Variants in ITPRID1 observed in about 807,000 individuals in gnomAD.
ITPRID1 encodes the protein protein ITPRID1.
Under a neutral mutation model 95.4 loss-of-function variants are expected in ITPRID1, and 96 were observed. The ratio of observed to expected loss-of-function variants is 1.01; its 90% CI spans 0.85 to 1.19. The LOEUF is 1.19. Among genes scored for constraint, ITPRID1 ranks in the 50% most tolerant of loss-of-function variants. ITPRID1 has a pLI of 0.00. For synonymous variants in ITPRID1, 510 were observed against 453.6 expected, an observed-to-expected ratio of 1.12 and a Z score of -1.58; for missense variants, 1,339 against 1,252.9, an observed-to-expected ratio of 1.07 and a Z score of -1.04.
chr7:31,611,190 G>C (rs1304509255), intron 10 of ITPRID1, among the ~76,000 whole-genome samples: 1 of 151,300 alleles, frequency 6.6e-6, no homozygotes, highest in Admixed American at 6.6e-5. Flanking sequence ...GATAGGATTA[G>C]TACCAACAAT....
intron 9 of ITPRID1, among the ~76,000 whole-genome samples, chr7:31,581,737 C>G (rs1273994225): frequency 6.6e-6 from 1 of 151,714 alleles, no homozygotes; most frequent in East Asian, 1.9e-4. Context: ...TTTCAAAAGA[C>G]AAACATGTGC....
At chr7:31,596,220 G>T (rs1207231435) in intron 10 of ITPRID1, among the ~76,000 whole-genome samples, 1 of 151,162 alleles carries the variant, frequency 6.6e-6, no homozygotes, top group African/African-American at 2.4e-5. Flanking sequence ...CATAAACTAA[G>T]TTTATCAGAA....
intron 1 of ITPRID1, among the ~76,000 whole-genome samples, chr7:31,519,727 AGAGTTG>A (rs1562543288): frequency 6.7e-6 from 1 of 149,370 alleles, no homozygotes; most frequent in African/African-American, 2.4e-5. Context: ...ACTGAATCTC[AGAGTTG>A]GAGTAGGTTT....
chr7:31,623,860 A>T, intron 10 of ITPRID1, among the ~76,000 whole-genome samples: 1 of 152,120 alleles, frequency 6.6e-6, no homozygotes, highest in Non-Finnish European at 1.5e-5. Context: ...ATGATTTTAT[A>T]TGTAGAAAAC....
rs1010755611 is a variant in ITPRID1 at position 31,627,444 on chromosome 7, G to A, written c.1229-14732G>A. On this transcript the variant is annotated intron_variant, in intron 10 of 14. Transcript: ENST00000615280. The stretch of plus-strand genomic sequence containing the variant: ...AGGTCAAGGCAGGAGGATCACTGAC[G>A]CCCAGGAGTTCAAGACCAGCCTGGG... Among the ~76,000 whole-genome samples, 7 of 152,076 alleles carry A rather than the reference G, an allele frequency of 4.6e-5. 1 individual carries two copies. In the South Asian group the frequency reaches 1.0e-3, roughly 23 times the overall value.
chr7:31,620,979 A>T (rs1008859976), intron 10 of ITPRID1, among the ~76,000 whole-genome samples: 18 of 152,156 alleles, frequency 1.2e-4, no homozygotes, highest in Middle Eastern at 6.8e-3. Flanking sequence ...TCAGGAGCCA[A>T]TGCGATCAAC....
intron 10 of ITPRID1, among the ~76,000 whole-genome samples, chr7:31,622,452 C>G (rs950866460): frequency 6.6e-6 from 1 of 151,364 alleles, no homozygotes; most frequent in Non-Finnish European, 1.5e-5. Context: ...GATTAAGAAA[C>G]TCACTCAAAA....
chr7:31,525,513 T>C (rs1783396226), intron 1 of ITPRID1, among the ~76,000 whole-genome samples: 1 of 152,178 alleles, frequency 6.6e-6, no homozygotes, highest in Admixed American at 6.5e-5. Context: ...ATGTGGTAAA[T>C]GTTCTGGAAC....
intron 13 of ITPRID1, 68 bp from the exon 14 acceptor site, chr7:31,651,871 G>T: frequency 9.3e-7 from 1 of 1,077,046 alleles, no homozygotes; most frequent in East Asian, 2.6e-5. Flanking sequence ...TATATTATGA[G>T]GTGACAATGG....
At chr7:31,550,784 C>T (rs1784261808) in intron 2 of ITPRID1, among the ~76,000 whole-genome samples, 1 of 125,712 alleles carries the variant, frequency 8.0e-6, no homozygotes, top group African/African-American at 2.6e-5. Context: ...AGAATATCCT[C>T]ACTGGTTGTG....
chr7:31,625,661 T>C (rs1788389406), intron 10 of ITPRID1, among the ~76,000 whole-genome samples: 1 of 151,026 alleles, frequency 6.6e-6, no homozygotes, highest in African/African-American at 2.4e-5. Context: ...CTGGGAGATA[T>C]ACCTAATGCT....
chr7:31,624,657 A>G (rs995534688), intron 10 of ITPRID1, among the ~76,000 whole-genome samples: 4 of 150,468 alleles, frequency 2.7e-5, no homozygotes, highest in Non-Finnish European at 5.9e-5. Context: ...TAGACCTAAA[A>G]CCATAAAAAC....
At chr7:31,585,945 C>T (rs1031312950) in intron 10 of ITPRID1, among the ~76,000 whole-genome samples, 8 of 148,196 alleles carry the variant, frequency 5.4e-5, no homozygotes, top group African/African-American at 2.5e-5. Flanking sequence ...CCCACTAACT[C>T]GTCATCTAGC....
chr7:31,527,523 AC>A (rs1329111229), intron 1 of ITPRID1, among the ~76,000 whole-genome samples: 2 of 151,988 alleles, frequency 1.3e-5, no homozygotes, highest in Non-Finnish European at 1.5e-5. Context: ...TTTCAATCTC[AC>A]CTTTTGTCAT....
chr7:31,611,493 C>T lies in ITPRID1; in HGVS notation c.1228+28302C>T, dbSNP rs183028084. On this transcript the variant is annotated intron_variant, in intron 10 of 14. Transcript: ENST00000615280. ...TTTTCACTCCCACCTGAAGGACTTT[C>T]ATTAGTTTTTCTTATATTGCAGTTC... Among the ~76,000 whole-genome samples the T allele has an allele frequency of 3.1e-3, 474 of 151,888 alleles. 2 individuals carry two copies. The highest frequency in any genetic ancestry group is 0.011 in the African/African-American group (447 of 41,520).
Position 31,655,823 on chromosome 7 carries a change from C to T in ITPRID1, c.*2994C>T, listed in dbSNP as rs1296767824. On this transcript the variant is annotated 3_prime_UTR_variant, in exon 15 of 15. Transcript: ENST00000615280. ...TCCCCTTCTCCATGTAGACTCCGAGCTCTCCTGCAGTTTCTTCCTTGCTCC... is the reference window on the plus strand; with the variant it reads ...TCCCCTTCTCCATGTAGACTCCGAGTTCTCCTGCAGTTTCTTCCTTGCTCC... The T allele has an allele frequency of 3.0e-6, 3 of 985,482 alleles. No homozygotes were observed. Among genetic ancestry groups the T allele is most frequent in the Non-Finnish European group, 2.4e-6 (2 of 829,996 alleles). The allele number at this position is 985,482 out of a possible 1,614,324, so 61.0% of individuals were successfully genotyped here.
Position 31,643,334 on chromosome 7 carries a change from A to G in ITPRID1, c.1964A>G (p.Asp655Gly). 1 of 1,614,000 alleles carries G rather than the reference A, an allele frequency of 6.2e-7. No homozygotes were observed. The highest frequency in any genetic ancestry group is 8.5e-7 in the Non-Finnish European group (1 of 1,179,884). The change falls in exon 12 of 15, where the codon GAC becomes GGC. Residue 655 changes from aspartate (D) to glycine (G), a missense_variant. Transcript: ENST00000615280. ...AGTGAAATCACACCTTATGCAACTG[A>G]CCTTGCTCAAACATCTGAAAAGCTC... is the stretch of plus-strand genomic sequence containing the variant. ...KHSEITPYATDLAQTSEKLIP... is the reference protein window; with the variant it reads ...KHSEITPYATGLAQTSEKLIP...
In ITPRID1 at chr7:31,608,916, A is replaced by C. The variant is rs527547082; in HGVS notation, c.1228+25725A>C. 1.3e-4 allele frequency among the ~76,000 whole-genome samples: 20 copies of C among 151,714 alleles called. No homozygotes were observed. In the South Asian group the frequency reaches 2.7e-3, roughly 20 times the overall value. ...TATTTTCTTCTTAATTTTATGGGGA[A>C]AAATTTTAGTATTTTACCATTATGT... On this transcript the variant is annotated intron_variant, in intron 10 of 14. Transcript: ENST00000615280.
intron 1 of ITPRID1, among the ~76,000 whole-genome samples, chr7:31,539,739 T>A (rs1783871975): frequency 1.3e-5 from 2 of 152,122 alleles, no homozygotes; most frequent in Admixed American, 6.6e-5. Flanking sequence ...CTAAGGTTAT[T>A]TAAGGGTTCA....
Sources: gnomAD v4.1 joint callset for allele counts (sites outside exome capture counted in the v4.1 genomes callset) on GRCh38, gnomAD v4.1.1 for gene constraint, MANE v1.5 for transcripts, NCBI Gene and HGNC (gene_info 2026-07-23, HGNC 2026-07-21) for gene names.